Variants in NFATC3 observed in about 807,000 individuals in gnomAD.
NFATC3 encodes nuclear factor of activated T cells 3, also known as nuclear factor of activated T-cells, cytoplasmic 3.
A neutral mutation model predicts 98.6 loss-of-function variants in NFATC3; 46 were observed. The ratio of observed to expected loss-of-function variants is 0.47; its 90% confidence interval spans 0.37 to 0.60. The LOEUF (loss-of-function observed/expected upper bound fraction) is 0.60. Ranked by LOEUF, NFATC3 falls within the 20% of genes least tolerant of loss-of-function variation. NFATC3 has a pLI of 0.00. For missense variants in NFATC3, 1,256 were observed against 1,295.5 expected, an observed-to-expected ratio of 0.97 and a Z score of 0.47; for synonymous variants, 512 against 472.2, an observed-to-expected ratio of 1.08 and a Z score of -1.09.
intron 9 of NFATC3, among the ~76,000 whole-genome samples, chr16:68,193,938 G>A (rs1413140588): frequency 6.6e-6 from 1 of 152,118 alleles, no homozygotes; most frequent in Non-Finnish European, 1.5e-5. Flanking sequence ...GGTGGGGGAT[G>A]GGGGTGATTG....
chr16:68,106,738 T>C (rs1209245141), intron 1 of NFATC3, among the ~76,000 whole-genome samples: 1 of 150,228 alleles, frequency 6.7e-6, no homozygotes, highest in Non-Finnish European at 1.5e-5. Flanking sequence ...CTTTTTTTTT[T>C]GTTGTTTTTT....
At position 68,139,016 on chromosome 16, in the gene NFATC3, T is replaced by G. The variant is rs534700209; in HGVS notation, c.1401+12406T>G. ...TATTCGATATGTATTTTTTGATTGCTCACTACGTTATAGACAGTATTGTAG... is the reference window on the plus strand; with the variant it reads ...TATTCGATATGTATTTTTTGATTGCGCACTACGTTATAGACAGTATTGTAG... On this transcript the variant is annotated intron_variant, in intron 3 of 9. Coordinates refer to ENST00000346183, the MANE Select transcript of NFATC3 (RefSeq NM_173165.3). Among the ~76,000 whole-genome samples, 20 of 152,338 alleles carry G rather than the reference T, an allele frequency of 1.3e-4. No homozygotes were observed. In the South Asian group the frequency reaches 4.1e-3, roughly 32 times the overall value.
rs746089796 is a variant in NFATC3 at position 68,226,428 on chromosome 16, C to T, written c.3185C>T (p.Pro1062Leu). The change falls in exon 10 of 10, where the codon CCG becomes CTG. Residue 1062 changes from proline (P) to leucine (L), a missense_variant. Pro to Leu is a moderately conservative substitution (Grantham distance 98). This residue lies in a region of NFATC3 where 636 missense variants were observed against 617.3 expected (regional missense o/e 1.03). Coordinates refer to ENST00000346183, the MANE Select transcript of NFATC3 (RefSeq NM_173165.3). ...GGGGTGAGCAGGCAGGCTCCCCTCCCGAGTCCTGAGTCCCTGGATTTAGGA... is the reference window on the plus strand; with the variant it reads ...GGGGTGAGCAGGCAGGCTCCCCTCCTGAGTCCTGAGTCCCTGGATTTAGGA... ...GAGVSRQAPL[P>L]SPESLDLGRS... 5.1e-5 allele frequency: 80 copies of T among 1,567,308 alleles called. 1 individual carries two copies. The South Asian group carries it at 7.9e-4, about 15-fold the overall frequency.
chr16:68,191,852 T>A, intron 9 of NFATC3, 77 bp downstream of exon 9: 2 of 1,482,188 alleles, frequency 1.3e-6, no homozygotes, highest in Non-Finnish European at 1.9e-6. Flanking sequence ...TGAAAAAGTT[T>A]CTATGGATTG....
chr16:68,120,227 C>T (rs925952126), intron 1 of NFATC3, among the ~76,000 whole-genome samples: 3 of 148,884 alleles, frequency 2.0e-5, no homozygotes, highest in Non-Finnish European at 3.0e-5. Context: ...CAGCAGTGAG[C>T]TATGAGTGCA....
intron 5 of NFATC3, among the ~76,000 whole-genome samples, chr16:68,168,908 G>T (rs566045925): frequency 4.6e-5 from 7 of 152,122 alleles, no homozygotes; most frequent in African/African-American, 1.7e-4. Flanking sequence ...GTAAATCTGT[G>T]GTGAATTAGC....
At chr16:68,216,810 GGTGTGA>G (rs2041658678) in intron 9 of NFATC3, among the ~76,000 whole-genome samples, 1 of 152,140 alleles carries the variant, frequency 6.6e-6, no homozygotes, top group African/African-American at 2.4e-5. Context: ...TAGGATTACA[GGTGTGA>G]GCCACTACAC....
intron 1 of NFATC3, among the ~76,000 whole-genome samples, chr16:68,090,527 G>A (rs910565077): frequency 6.6e-6 from 1 of 151,816 alleles, no homozygotes; most frequent in Admixed American, 6.6e-5. Flanking sequence ...TAGAATATTT[G>A]GTCTTAAGAC....
At chr16:68,206,869 G>C (rs763084120) in intron 9 of NFATC3, among the ~76,000 whole-genome samples, 24 of 151,844 alleles carry the variant, frequency 1.6e-4, no homozygotes, top group Non-Finnish European at 2.8e-4. Context: ...TGTAGTTCTA[G>C]CTACTCAGGA....
intron 1 of NFATC3, among the ~76,000 whole-genome samples, chr16:68,102,479 G>C (rs1005437822): frequency 1.4e-5 from 2 of 141,524 alleles, no homozygotes; most frequent in Non-Finnish European, 1.5e-5. Flanking sequence ...TCATAAATTT[G>C]AAGGCATTGC....
At chr16:68,161,471 A>G (rs1023508583) in intron 4 of NFATC3, among the ~76,000 whole-genome samples, 2 of 152,216 alleles carry the variant, frequency 1.3e-5, no homozygotes, top group African/African-American at 4.8e-5. Context: ...ACTATTAAAG[A>G]CAGTTTCTCT....
chr16:68,206,804 G>C (rs1024151684), intron 9 of NFATC3, among the ~76,000 whole-genome samples: 1 of 151,910 alleles, frequency 6.6e-6, no homozygotes, highest in Non-Finnish European at 1.5e-5. Context: ...GCAACATGGC[G>C]AGACCCCATG....
chr16:68,112,268 C>CTTTTTTTTTTT (rs768228927), intron 1 of NFATC3, among the ~76,000 whole-genome samples: 9 of 77,424 alleles, frequency 1.2e-4, no homozygotes, highest in African/African-American at 4.3e-4. Flanking sequence ...TAGGTTCAGT[C>CTTTTTTTTTTT]TTTTTTTTTT....
intron 1 of NFATC3, among the ~76,000 whole-genome samples, chr16:68,090,161 T>C (rs1399686582): frequency 2.6e-5 from 4 of 152,316 alleles, no homozygotes; most frequent in Admixed American, 2.6e-4. Flanking sequence ...ATTTTCTCAC[T>C]TTTCAGTTTT....
rs572585698 is a variant in NFATC3, at chr16:68,170,880, T to G, written c.1775-3494T>G. Among the ~76,000 whole-genome samples, 36 of 145,768 alleles carry G rather than the reference T, an allele frequency of 2.5e-4. 1 individual carries two copies. The South Asian group carries it at 7.6e-3, about 31-fold the overall frequency. ...TTAATTGGGCTTATCTGATACAGTT[T>G]TATATCGTTTTGCAGTTTTCACTTA... On this transcript the variant is annotated intron_variant, in intron 5 of 9. Transcript: ENST00000346183.
At chr16:68,211,577 C>T (rs2041397701) in intron 9 of NFATC3, among the ~76,000 whole-genome samples, 1 of 151,728 alleles carries the variant, frequency 6.6e-6, no homozygotes, top group Non-Finnish European at 1.5e-5. Context: ...GTCTGGAGTG[C>T]AATGGCATGA....
At position 68,211,635 on chromosome 16, in the gene NFATC3, GC is replaced by G. The variant is rs548403026; in HGVS notation, c.3107-14713del. Among the ~76,000 whole-genome samples, 1,200 of 151,748 alleles carry G rather than the reference GC, an allele frequency of 7.9e-3. 16 individuals carry two copies. The highest frequency in any genetic ancestry group is 0.027 in the African/African-American group (1,127 of 41,302). The stretch of plus-strand genomic sequence containing the variant: ...CCTCCCAGGTTCAAGCAATTCTCCT[GC>G]CTCAGCTTCCTGAGTAGCTGGGATT... On this transcript the variant is annotated intron_variant, in intron 9 of 9. Transcript: ENST00000346183.
chr16:68,222,048 A>C (rs554719848), intron 9 of NFATC3, among the ~76,000 whole-genome samples: 12 of 151,924 alleles, frequency 7.9e-5, no homozygotes, highest in Admixed American at 6.6e-4. Flanking sequence ...CTAGTACTTT[A>C]GGAGGCTGAG....
At chr16:68,103,946 CTTTGTAGTAAGT>C (rs1204012078) in intron 1 of NFATC3, among the ~76,000 whole-genome samples, 1 of 152,020 alleles carries the variant, frequency 6.6e-6, no homozygotes, top group Non-Finnish European at 1.5e-5. Context: ...ATTGCTGTGC[CTTTGTAGTAAGT>C]TTTGGAGTGT....
Sources: gnomAD v4.1 joint callset for allele counts (sites outside exome capture counted in the v4.1 genomes callset) on GRCh38, gnomAD v4.1.1 for gene constraint, gnomAD v4.1.1 regional missense constraint, MANE v1.5 for transcripts, NCBI Gene and HGNC (gene_info 2026-07-23, HGNC 2026-07-21) for gene names.